Variants in SH2D4B observed in about 807,000 individuals in gnomAD.
The protein encoded by SH2D4B is SH2 domain-containing protein 4B.
In SH2D4B, 45 loss-of-function variants were observed where a neutral mutation model predicts 61.5. The observed-to-expected ratio is 0.73, with a 90% CI of 0.58 to 0.94. The LOEUF (loss-of-function observed/expected upper bound fraction) is 0.94, where lower values mean the gene tolerates loss of function less well. Ranked by LOEUF, SH2D4B falls within the 40% of genes least tolerant of loss-of-function variation. The probability of loss-of-function intolerance (pLI) is 0.00; values close to 1 mark genes in which losing one functional copy is unlikely to be tolerated. For synonymous variants in SH2D4B, 224 were observed against 220.4 expected, an observed-to-expected ratio of 1.02 and a Z score of -0.14; for missense variants, 572 against 574.2, an observed-to-expected ratio of 1.00 and a Z score of 0.04.
In SH2D4B at chr10:80,644,924, T is replaced by A. The variant is rs1279660761; in HGVS notation, c.*839T>A. The stretch of plus-strand genomic sequence containing the variant: ...ATGATTAGCTCTGTCCTCATTGTCC[T>A]TTTAATTCCCTTGTCAACTTAATCT... On this transcript the variant is annotated 3_prime_UTR_variant, in exon 8 of 8. Coordinates refer to ENST00000646907, the MANE Select transcript of SH2D4B (RefSeq NM_001388272.1). 2 of 152,242 alleles carry A rather than the reference T, an allele frequency of 1.3e-5. No individual in the cohort carries two copies. Among genetic ancestry groups the A allele is most frequent in the Non-Finnish European group, 1.5e-5 (1 of 68,050 alleles). 9.4% of individuals were successfully genotyped at this position (152,242 alleles called of 1,614,324 possible). A position where few individuals can be genotyped will look rare whatever the true frequency, so the allele number is the denominator to read the frequency against.
At chr10:80,605,162 C>T (rs1211229815) in intron 5 of SH2D4B, among the ~76,000 whole-genome samples, 1 of 133,176 alleles carries the variant, frequency 7.5e-6, no homozygotes, top group Non-Finnish European at 1.6e-5. Context: ...CCTTATTCCT[C>T]CTCTTTTTTT....
chr10:80,607,100 C>T (rs571800159), intron 5 of SH2D4B, among the ~76,000 whole-genome samples: 2 of 152,192 alleles, frequency 1.3e-5, no homozygotes, highest in African/African-American at 4.8e-5. Flanking sequence ...CATTTATATT[C>T]TGGGGGAGTC....
intron 6 of SH2D4B, among the ~76,000 whole-genome samples, chr10:80,627,044 C>T (rs561674904): frequency 8.5e-5 from 13 of 152,160 alleles, no homozygotes; most frequent in Non-Finnish European, 1.6e-4. Context: ...GGCCCCAGAT[C>T]GTGCCTAATG....
intron 5 of SH2D4B, among the ~76,000 whole-genome samples, chr10:80,608,658 G>A (rs1842550155): frequency 6.6e-6 from 1 of 151,628 alleles, no homozygotes; most frequent in Non-Finnish European, 1.5e-5. Context: ...CTACTCCCTC[G>A]TCTAAACTCT....
chr10:80,565,742 AG>A (rs1387692926), intron 1 of SH2D4B, among the ~76,000 whole-genome samples: 1 of 152,044 alleles, frequency 6.6e-6, no homozygotes, highest in East Asian at 1.9e-4. Flanking sequence ...AAAGTTTTCC[AG>A]TGGCTCCAGG....
intron 1 of SH2D4B, among the ~76,000 whole-genome samples, chr10:80,549,203 T>TATGTGTG (rs59438371): frequency 8.3e-6 from 1 of 120,230 alleles, no homozygotes; most frequent in Non-Finnish European, 1.7e-5. Flanking sequence ...TGGGACTTGA[T>TATGTGTG]TGTGTGTGTG....
chr10:80,607,178 A>G (rs1842529909), intron 5 of SH2D4B: 1 of 152,218 alleles, frequency 6.6e-6, no homozygotes, highest in African/African-American at 2.4e-5. Context: ...ACAGAGGGAC[A>G]AGAGTGAGTG....
rs142807542 is a variant in SH2D4B, at chr10:80,609,594, T to C, written c.988+43T>C. 1,377 of 1,612,738 alleles carry C rather than the reference T, an allele frequency of 8.5e-4. 10 individuals carry two copies. The African/African-American group carries it at 0.016, about 19-fold the overall frequency. On this transcript the variant is annotated intron_variant, in intron 6 of 7. Coordinates refer to ENST00000646907, the MANE Select transcript of SH2D4B (RefSeq NM_001388272.1). ...GGCCCTGTGCCAGATGATTTCCACA[T>C]CTTTGCCTCTCTCTGGGGTTGGGGA...
At chr10:80,576,101 C>T (rs1245294604) in intron 3 of SH2D4B, among the ~76,000 whole-genome samples, 2 of 152,198 alleles carry the variant, frequency 1.3e-5, no homozygotes, top group East Asian at 1.9e-4. Context: ...TCCTGGGGCT[C>T]AGCTCACAAG....
chr10:80,540,952 T>G (rs771226430), intron 1 of SH2D4B: 1 of 1,481,454 alleles, frequency 6.8e-7, no homozygotes, highest in Non-Finnish European at 9.2e-7. Flanking sequence ...CCAGCCCCAG[T>G]TGATGTCCAG....
In SH2D4B at chr10:80,603,725, G is replaced by A. The variant is rs1311452457; in HGVS notation, c.790G>A (p.Glu264Lys). The part of the protein sequence containing the change: ...SMFRELGQSH[E>K]QEARLYHHLP... ...GTTCCGGGAGCTTGGCCAGAGCCAT[G>A]AGCAGGAGGCAAGACTCTACCACCA... The change falls in exon 5 of 8, where the codon GAG becomes AAG. Residue 264 changes from glutamate (E) to lysine (K), a missense_variant. Physicochemically the swap from Glu to Lys is moderately conservative, Grantham distance 56. Transcript: ENST00000646907. 1 of 1,613,650 alleles carries A rather than the reference G, an allele frequency of 6.2e-7. No homozygotes were observed. Among genetic ancestry groups the A allele is most frequent in the Non-Finnish European group, 8.5e-7 (1 of 1,179,986 alleles).
At chr10:80,636,791 C>T (rs1040613570) in intron 7 of SH2D4B, among the ~76,000 whole-genome samples, 8 of 152,026 alleles carry the variant, frequency 5.3e-5, no homozygotes, top group South Asian at 2.1e-4. Context: ...CTCTTTAGTT[C>T]GATAGATCCC....
chr10:80,566,583 A>T (rs1841972287), intron 1 of SH2D4B, among the ~76,000 whole-genome samples: 1 of 152,134 alleles, frequency 6.6e-6, no homozygotes, highest in Admixed American at 6.5e-5. Flanking sequence ...TGCGTGAGCC[A>T]CTGCGCCCTG....
chr10:80,563,291 T>C (rs1270976464), intron 1 of SH2D4B, among the ~76,000 whole-genome samples: 2 of 152,338 alleles, frequency 1.3e-5, no homozygotes, highest in African/African-American at 2.4e-5. Flanking sequence ...TTTTTTAAAT[T>C]GGGTTATTTG....
At chr10:80,546,229 G>T (rs1841678567) in intron 1 of SH2D4B, among the ~76,000 whole-genome samples, 1 of 147,576 alleles carries the variant, frequency 6.8e-6, no homozygotes, top group African/African-American at 2.5e-5. Context: ...GTTTTTTTTT[G>T]TAGAGACAGG....
chr10:80,545,653 A>C (rs548749850), intron 1 of SH2D4B, among the ~76,000 whole-genome samples: 1 of 152,064 alleles, frequency 6.6e-6, no homozygotes, highest in Non-Finnish European at 1.5e-5. Flanking sequence ...TTGCATTGTT[A>C]CAGTTTCTAT....
Position 80,646,091 on chromosome 10 carries a change from T to G in SH2D4B, c.*2006T>G, listed in dbSNP as rs17107464. On this transcript the variant is annotated 3_prime_UTR_variant, in exon 8 of 8. Coordinates refer to ENST00000646907, the MANE Select transcript of SH2D4B (RefSeq NM_001388272.1). Reference sequence around the variant, plus strand: ...GTTTTCTGTATGGCCGTCACTAGGTTTTTTTGTGGGTTAGTTAAATGATAA... The same window carrying G: ...GTTTTCTGTATGGCCGTCACTAGGTGTTTTTGTGGGTTAGTTAAATGATAA... 6,391 of 152,698 alleles carry G rather than the reference T, an allele frequency of 0.042. 319 individuals carry two copies. Among genetic ancestry groups the G allele is most frequent in the African/African-American group, 0.12 (5,038 of 41,524 alleles). The allele number at this position is 152,698 out of a possible 1,614,324, so 9.5% of individuals were successfully genotyped here. A position where few individuals can be genotyped will look rare whatever the true frequency, so the allele number is the denominator to read the frequency against.
intron 3 of SH2D4B, among the ~76,000 whole-genome samples, chr10:80,582,908 A>AGGAG (rs1180114740): frequency 3.9e-5 from 6 of 152,194 alleles, no homozygotes; most frequent in Admixed American, 3.9e-4. Flanking sequence ...ATAATCTCAG[A>AGGAG]GGAGGGGCCT....
At chr10:80,586,720 C>T (rs1001929781) in intron 3 of SH2D4B, among the ~76,000 whole-genome samples, 2 of 152,176 alleles carry the variant, frequency 1.3e-5, no homozygotes, top group African/African-American at 2.4e-5. Context: ...GCAGTGGCAA[C>T]GGGCTGGGAT....
Sources: allele counts gnomAD v4.1 joint callset (sites outside exome capture counted in the v4.1 genomes callset), GRCh38; gene constraint gnomAD v4.1.1; transcripts MANE v1.5; gene names NCBI Gene and HGNC (gene_info 2026-07-23, HGNC 2026-07-21).